Variants in ZNF230 observed in about 807,000 individuals in gnomAD.
The protein encoded by ZNF230 is zinc finger protein FDZF2.
A neutral mutation model predicts 10.0 loss-of-function variants in ZNF230; 12 were observed. The observed-to-expected ratio is 1.20, with a 90% CI of 0.77 to 1.95. ZNF230 has a LOEUF of 1.95. Among genes scored for constraint, ZNF230 ranks in the 30% most tolerant of loss-of-function variants. ZNF230 has a pLI of 0.00. For missense variants in ZNF230, 532 were observed against 565.8 expected (o/e 0.94, Z 0.61); for synonymous variants, 174 against 193.6 (o/e 0.90, Z 0.84).
chr19:44,007,795 C>T (rs1440209823), intron 2 of ZNF230, among the ~76,000 whole-genome samples: 2 of 152,188 alleles, frequency 1.3e-5, no homozygotes, highest in Non-Finnish European at 2.9e-5. Flanking sequence ...GCCTGCGCCC[C>T]CAGGCTGCCA....
chr19:44,010,380 C>T lies in ZNF230; in HGVS notation c.341C>T (p.Ser114Phe), dbSNP rs758836632. The change falls in exon 5 of 5, where the codon TCT becomes TTT. Residue 114 changes from serine to phenylalanine, a missense_variant. Physicochemically the swap from Ser to Phe is radical, Grantham distance 155. Coordinates refer to ENST00000429154, the MANE Select transcript of ZNF230 (RefSeq NM_006300.4). The stretch of plus-strand genomic sequence containing the variant: ...TCTCAAGACTCCATCATAAATAATT[C>T]TCACTTCTTTGAACAAGGTGATGTC... ...TQSQDSIINN[S>F]HFFEQGDVPS... The T allele has an allele frequency of 6.2e-7, 1 of 1,614,218 alleles. No homozygotes were observed. The highest frequency in any genetic ancestry group is 1.1e-5 in the South Asian group (1 of 91,090).
rs780534308 is a variant in ZNF230, at chr19:44,010,384, C to T, written c.345C>T (p.His115=). ...AAGACTCCATCATAAATAATTCTCA[C>T]TTCTTTGAACAAGGTGATGTCCCCT... ...QSQDSIINNS[H]FFEQGDVPSQ... is the part of the protein sequence containing the mutation. The change falls in exon 5 of 5, where the codon CAC becomes CAT. Residue 115 remains histidine, a synonymous_variant. Coordinates refer to ENST00000429154, the MANE Select transcript of ZNF230 (RefSeq NM_006300.4). 6.2e-7 allele frequency: 1 copy of T among 1,614,218 alleles called. No individual in the cohort carries two copies. The highest frequency in any genetic ancestry group is 8.5e-7 in the Non-Finnish European group (1 of 1,180,030).
At chr19:44,004,775 A>G (rs1976107675) in intron 1 of ZNF230, 1 of 150,968 alleles carries the variant, frequency 6.6e-6, no homozygotes, top group Admixed American at 6.6e-5. Context: ...CATATTATAT[A>G]ATGCTCAATT....
intron 2 of ZNF230, 115 bp downstream of exon 2, chr19:44,007,208 G>A: frequency 1.1e-6 from 1 of 941,106 alleles, no homozygotes; most frequent in Non-Finnish European, 1.5e-6. Flanking sequence ...GGGACCTGTT[G>A]TGTGCCAGTT....
At position 44,008,841 on chromosome 19, in the gene ZNF230, G is replaced by T; in HGVS notation, c.67G>T (p.Gly23Trp). The T allele has an allele frequency of 6.2e-7, 1 of 1,614,080 alleles. No homozygotes were observed. Residue 23 changes from glycine to tryptophan, a missense_variant, in exon 3 of 5, where the codon GGG becomes TGG. Physicochemically the swap from Gly to Trp is radical, Grantham distance 184. Coordinates refer to ENST00000429154, the MANE Select transcript of ZNF230 (RefSeq NM_006300.4). Reference sequence around the variant, plus strand: ...TGTGTTCTTCACTGAGGAGGAACTGGGGCTACTGGACCCTGCCCAGAGGAA... The same window carrying T: ...TGTGTTCTTCACTGAGGAGGAACTGTGGCTACTGGACCCTGCCCAGAGGAA... The part of the protein sequence containing the change: ...VAVFFTEEEL[G>W]LLDPAQRKLY...
At position 44,011,684 on chromosome 19, in the gene ZNF230, T is replaced by C. The variant is rs998768889; in HGVS notation, c.*220T>C. The C allele has an allele frequency of 2.1e-6, 1 of 486,974 alleles. No homozygotes were observed. The highest frequency in any genetic ancestry group is 3.6e-6 in the Non-Finnish European group (1 of 280,640). 30.2% of individuals were successfully genotyped at this position (486,974 alleles called of 1,614,324 possible). A position where few individuals can be genotyped will look rare whatever the true frequency, so the allele number is the denominator to read the frequency against. ...AGAACACTAGAATGTATTTCTCCTATCTAGCAGTACTTATGTATCTTGTTA... is the reference window on the plus strand; with the variant it reads ...AGAACACTAGAATGTATTTCTCCTACCTAGCAGTACTTATGTATCTTGTTA... On this transcript the variant is annotated 3_prime_UTR_variant, in exon 5 of 5. Transcript: ENST00000429154.
rs755886066 is a variant in ZNF230, at chr19:44,011,049, A to G, written c.1010A>G (p.Asn337Ser). 6.8e-6 allele frequency: 11 copies of G among 1,614,114 alleles called. No individual in the cohort carries two copies. In the African/African-American group the frequency reaches 8.0e-5, roughly 12 times the overall value. ...QIIHTGQKPY[N>S]CKECGKSFRW... is the part of the protein sequence containing the mutation. ...ATTCACACAGGACAGAAACCGTACAATTGTAAAGAATGTGGGAAGAGCTTC... is the reference window on the plus strand; with the variant it reads ...ATTCACACAGGACAGAAACCGTACAGTTGTAAAGAATGTGGGAAGAGCTTC... Residue 337 changes from asparagine to serine, a missense_variant, in exon 5 of 5, where the codon AAT becomes AGT. Coordinates refer to ENST00000429154, the MANE Select transcript of ZNF230 (RefSeq NM_006300.4).
At chr19:44,008,182 C>T (rs576989971) in intron 2 of ZNF230, among the ~76,000 whole-genome samples, 1 of 152,156 alleles carries the variant, frequency 6.6e-6, no homozygotes, top group South Asian at 2.1e-4. Context: ...AGCAGTTCCT[C>T]TCTAACTCAA....
chr19:44,004,764 C>G (rs1011831778), intron 1 of ZNF230: 1 of 149,068 alleles, frequency 6.7e-6, no homozygotes, highest in Non-Finnish European at 1.5e-5. Flanking sequence ...TAGTGAACTG[C>G]CATATTATAT....
intron 2 of ZNF230, 106 bp downstream of exon 2, chr19:44,007,199 G>T: frequency 1.8e-6 from 2 of 1,103,668 alleles, no homozygotes; most frequent in South Asian, 1.9e-5. Flanking sequence ...TGGGCATTTG[G>T]GACCTGTTGT....
In ZNF230 at chr19:44,010,606, TC is replaced by T. The variant is rs1452811714; in HGVS notation, c.568del (p.His190ThrfsTer2). 1 of 1,614,192 alleles carries T rather than the reference TC, an allele frequency of 6.2e-7. No individual in the cohort carries two copies. On this transcript the variant is annotated frameshift_variant, in exon 5 of 5. Coordinates refer to ENST00000429154, the MANE Select transcript of ZNF230 (RefSeq NM_006300.4). LOFTEE classifies it low-confidence loss of function (END_TRUNC). ...CAGCTCTTCGTATTCACCAGAGAGT[TC>T]ACTTGAGAGAGAAACTCTCTAAGTG... ...ISALRIHQRV[H>X]LREKLSKCDM...
In ZNF230 at chr19:44,008,874, C is replaced by A; in HGVS notation, c.100C>A (p.Gln34Lys). 6.2e-7 allele frequency: 1 copy of A among 1,614,112 alleles called. No individual in the cohort carries two copies. The highest frequency in any genetic ancestry group is 1.3e-5 in the African/African-American group (1 of 75,022). Reference sequence around the variant, plus strand: ...GGACCCTGCCCAGAGGAAGCTGTACCAAGACGTGATGCTTGAGAACTTCAC... The same window carrying A: ...GGACCCTGCCCAGAGGAAGCTGTACAAAGACGTGATGCTTGAGAACTTCAC... ...LLDPAQRKLYQDVMLENFTNL... is the reference protein window; with the variant it reads ...LLDPAQRKLYKDVMLENFTNL... Residue 34 changes from glutamine to lysine, a missense_variant, in exon 3 of 5, where the codon CAA (glutamine) becomes AAA (lysine). Coordinates refer to ENST00000429154, the MANE Select transcript of ZNF230 (RefSeq NM_006300.4).
Position 44,007,008 on chromosome 19 carries a change from C to G in ZNF230, c.-68-3C>G. The G allele has an allele frequency of 7.3e-7, 1 of 1,376,530 alleles. No homozygotes were observed. The highest frequency in any genetic ancestry group is 1.0e-6 in the Non-Finnish European group (1 of 976,912). 85.3% of individuals were successfully genotyped at this position (1,376,530 alleles called of 1,614,324 possible). A position where few individuals can be genotyped will look rare whatever the true frequency, so the allele number is the denominator to read the frequency against. ...CTCTTTTGCTGTCTCTGGCATTTTC[C>G]AGGCACAATTCCACCTTCCTTTGTG... On this transcript the variant is annotated splice_region_variant and splice_polypyrimidine_tract_variant and intron_variant, in intron 1 of 4. Coordinates refer to ENST00000429154, the MANE Select transcript of ZNF230 (RefSeq NM_006300.4).
At position 44,008,858 on chromosome 19, in the gene ZNF230, C is replaced by G. The variant is rs950477690; in HGVS notation, c.84C>G (p.Ala28=). 3 of 1,614,056 alleles carry G rather than the reference C, an allele frequency of 1.9e-6. No homozygotes were observed. Among genetic ancestry groups the G allele is most frequent in the Non-Finnish European group, 2.5e-6 (3 of 1,180,006 alleles). The change falls in exon 3 of 5, where the codon GCC becomes GCG. Residue 28 remains alanine (A), a synonymous_variant. Coordinates refer to ENST00000429154, the MANE Select transcript of ZNF230 (RefSeq NM_006300.4). The part of the protein sequence containing the change: ...TEEELGLLDP[A]QRKLYQDVML... Reference sequence around the variant, plus strand: ...AGGAACTGGGGCTACTGGACCCTGCCCAGAGGAAGCTGTACCAAGACGTGA... The same window carrying G: ...AGGAACTGGGGCTACTGGACCCTGCGCAGAGGAAGCTGTACCAAGACGTGA...
rs1382242704 is a variant in ZNF230 at position 44,012,385 on chromosome 19, C to A, written c.*921C>A. On this transcript the variant is annotated 3_prime_UTR_variant, in exon 5 of 5. Transcript: ENST00000429154. ...ATATCATAATTTATCACAGTCCATA[C>A]TGATAATATATTTCATCCAGGCTTG... 1 of 518,756 alleles carries A rather than the reference C, an allele frequency of 1.9e-6. No individual in the cohort carries two copies. The highest frequency in any genetic ancestry group is 1.9e-5 in the African/African-American group (1 of 51,966). 32.1% of individuals were successfully genotyped at this position (518,756 alleles called of 1,614,324 possible).
At chr19:44,007,213 C>A in intron 2 of ZNF230, 120 bp downstream of exon 2, 1 of 867,052 alleles carries the variant, frequency 1.2e-6, no homozygotes, top group Non-Finnish European at 1.7e-6. Context: ...CTGTTGTGTG[C>A]CAGTTGCTTC....
intron 1 of ZNF230, chr19:44,006,805 T>G: frequency 3.2e-6 from 1 of 315,474 alleles, no homozygotes; most frequent in Non-Finnish European, 5.9e-6. Flanking sequence ...CTTCATTCCT[T>G]TTAATTTCCA....
intron 1 of ZNF230, chr19:44,004,653 A>T (rs1976104659): frequency 7.0e-6 from 1 of 143,662 alleles, no homozygotes; most frequent in Admixed American, 7.3e-5. Flanking sequence ...AATTGCTTAA[A>T]CCCGGGAGGT....
chr19:44,007,507 C>A (rs1236257148), intron 2 of ZNF230, among the ~76,000 whole-genome samples: 1 of 152,144 alleles, frequency 6.6e-6, no homozygotes, highest in Non-Finnish European at 1.5e-5. Context: ...GATAGTTAGT[C>A]CCCCTTTCTG....
Sources: gnomAD v4.1 joint callset for allele counts (sites outside exome capture counted in the v4.1 genomes callset) on GRCh38, gnomAD v4.1.1 for gene constraint, MANE v1.5 for transcripts, NCBI Gene and HGNC (gene_info 2026-07-23, HGNC 2026-07-21) for gene names.